Variants in GLIS3 observed in about 807,000 individuals in gnomAD.
The protein encoded by GLIS3 is GLIS family zinc finger 3.
GLIS3 carries 53 observed loss-of-function variants against 78.6 expected under a neutral mutation model. The ratio of observed to expected loss-of-function variants is 0.67; its 90% CI spans 0.54 to 0.85. The LOEUF (loss-of-function observed/expected upper bound fraction) is 0.85. Among genes scored for constraint, GLIS3 ranks in the 40% least tolerant of loss-of-function variants. The pLI is 0.00. For synonymous variants in GLIS3, 684 were observed against 509.9 expected (o/e 1.34, Z -4.60); for missense variants, 1,703 against 1,231.1 (o/e 1.38, Z -5.74).
the GLIS3 span, among the ~76,000 whole-genome samples, chr9:4,360,726 T>C: frequency 2.0e-5 from 3 of 152,228 alleles, no homozygotes; most frequent in African/African-American, 4.8e-5. Context: ...CTTAAAATTG[T>C]GTTAGGCTGC....
intron 3 of GLIS3, among the ~76,000 whole-genome samples, chr9:4,122,527 C>T (rs930322066): frequency 6.6e-6 from 1 of 152,212 alleles, no homozygotes; most frequent in South Asian, 2.1e-4. Context: ...AATCTAAATA[C>T]AGTGCCTTTT....
chr9:4,247,373 CTTAT>C (rs1014756281), intron 2 of GLIS3, among the ~76,000 whole-genome samples: 15 of 152,116 alleles, frequency 9.9e-5, no homozygotes, highest in African/African-American at 3.4e-4. Context: ...AAAAAAATTT[CTTAT>C]TTACATGGTT....
chr9:4,165,798 T>C (rs1038709136), intron 2 of GLIS3, among the ~76,000 whole-genome samples: 1 of 152,194 alleles, frequency 6.6e-6, no homozygotes, highest in African/African-American at 2.4e-5. Context: ...AACAATAAGA[T>C]AGTCTTCAAT....
At chr9:4,174,030 T>C (rs1342724349) in intron 2 of GLIS3, among the ~76,000 whole-genome samples, 1 of 152,188 alleles carries the variant, frequency 6.6e-6, no homozygotes, top group Non-Finnish European at 1.5e-5. Context: ...TCTCAGTTTT[T>C]ACTCTCATGT....
chr9:4,011,864 C>T (rs1006704605), intron 4 of GLIS3, among the ~76,000 whole-genome samples: 9 of 152,030 alleles, frequency 5.9e-5, no homozygotes, highest in Admixed American at 3.3e-4. Context: ...TTGACATACC[C>T]GCCAAGAGAT....
chr9:3,875,611 A>C (rs1207589380), intron 8 of GLIS3: 2 of 152,308 alleles, frequency 1.3e-5, no homozygotes, highest in Non-Finnish European at 2.9e-5. Flanking sequence ...ACAAACCAAA[A>C]GCGGAAGGTA....
intron 4 of GLIS3, among the ~76,000 whole-genome samples, chr9:4,012,590 A>C (rs566548301): frequency 6.6e-6 from 1 of 152,040 alleles, no homozygotes; most frequent in Non-Finnish European, 1.5e-5. Context: ...TTTCTGTTGG[A>C]CTAGTGTGTA....
At chr9:4,068,128 A>C (rs1827262211) in intron 4 of GLIS3, among the ~76,000 whole-genome samples, 1 of 152,178 alleles carries the variant, frequency 6.6e-6, no homozygotes, top group African/African-American at 2.4e-5. Flanking sequence ...GGTAGTAAGC[A>C]TGAATTTAAA....
At chr9:4,175,778 C>G (rs956760749) in intron 2 of GLIS3, among the ~76,000 whole-genome samples, 1 of 152,322 alleles carries the variant, frequency 6.6e-6, no homozygotes, top group South Asian at 2.1e-4. Context: ...TTGAATACTC[C>G]TTTTACATCA....
intron 4 of GLIS3, among the ~76,000 whole-genome samples, chr9:4,030,125 G>C (rs1272361698): frequency 6.6e-6 from 1 of 152,038 alleles, no homozygotes; most frequent in Non-Finnish European, 1.5e-5. Flanking sequence ...CCTGTCTTTT[G>C]GATATAAGCC....
intron 4 of GLIS3, among the ~76,000 whole-genome samples, chr9:3,944,806 C>T (rs902313229): frequency 2.6e-5 from 4 of 152,160 alleles, no homozygotes; most frequent in Non-Finnish European, 4.4e-5. Flanking sequence ...AAAAAATAGA[C>T]GTTTATTTAA....
intron 4 of GLIS3, among the ~76,000 whole-genome samples, chr9:3,958,741 T>C (rs1244683713): frequency 1.3e-5 from 2 of 152,186 alleles, no homozygotes; most frequent in Non-Finnish European, 2.9e-5. Context: ...TAATAAAAGA[T>C]ACAAGTAAAG....
At chr9:4,270,917 GTGTGTGTGTGTGTGTGTA>G (rs1215095883) in intron 2 of GLIS3, among the ~76,000 whole-genome samples, 92 of 92,866 alleles carry the variant, frequency 9.9e-4, no homozygotes, top group African/African-American at 3.2e-3. Context: ...GTGTGTGTGT[GTGTGTGTGTGTGTGTGTA>G]TACACAACTG....
intron 4 of GLIS3, among the ~76,000 whole-genome samples, chr9:4,066,452 C>G (rs531854966): frequency 3.9e-5 from 6 of 152,128 alleles, no homozygotes; most frequent in African/African-American, 1.4e-4. Context: ...AGTATAAAAG[C>G]AACTTACCAG....
At chr9:4,260,688 G>C (rs1825439782) in intron 2 of GLIS3, among the ~76,000 whole-genome samples, 1 of 152,076 alleles carries the variant, frequency 6.6e-6, no homozygotes, top group Non-Finnish European at 1.5e-5. Context: ...GGAGGTTGCA[G>C]TGAGCCGAGA....
the GLIS3 span, among the ~76,000 whole-genome samples, chr9:4,402,016 C>T: frequency 6.6e-6 from 1 of 152,192 alleles, no homozygotes; most frequent in Non-Finnish European, 1.5e-5. Context: ...GCTCCAATCC[C>T]TGGCTCCCAG....
At chr9:4,024,126 A>G (rs1823111132) in intron 4 of GLIS3, among the ~76,000 whole-genome samples, 2 of 152,180 alleles carry the variant, frequency 1.3e-5, no homozygotes, top group African/African-American at 2.4e-5. Flanking sequence ...AATTTTTCCC[A>G]AAGTGATAAT....
At chr9:3,959,357 G>T (rs1817381393) in intron 4 of GLIS3, among the ~76,000 whole-genome samples, 1 of 152,150 alleles carries the variant, frequency 6.6e-6, no homozygotes. Context: ...AAAACTGTAA[G>T]AAATACATTT....
chr9:4,151,531 T>A (rs1301542217), intron 2 of GLIS3, among the ~76,000 whole-genome samples: 1 of 152,214 alleles, frequency 6.6e-6, no homozygotes, highest in African/African-American at 2.4e-5. Context: ...ATAATTTTTT[T>A]AAAGATTCTC....
Sources: gnomAD v4.1 joint callset for allele counts (sites outside exome capture counted in the v4.1 genomes callset) on GRCh38, gnomAD v4.1.1 for gene constraint, MANE v1.5 for transcripts, NCBI Gene and HGNC (gene_info 2026-07-23, HGNC 2026-07-21) for gene names.